Variants in SUPT3H observed in about 807,000 individuals in gnomAD.
The protein encoded by SUPT3H is transcription initiation protein SPT3 homolog.
Under a neutral mutation model 44.3 loss-of-function variants are expected in SUPT3H, and 44 were observed. The ratio of observed to expected loss-of-function variants is 0.99; its 90% CI spans 0.78 to 1.28. The LOEUF (loss-of-function observed/expected upper bound fraction) is 1.28. Among genes scored for constraint, SUPT3H ranks in the 50% most tolerant of loss-of-function variants. The pLI, the probability that SUPT3H is intolerant of heterozygous loss-of-function variation, is 0.00. For missense variants in SUPT3H, 380 were observed against 387.1 expected (o/e 0.98, Z 0.15); for synonymous variants, 124 against 125.6 (o/e 0.99, Z 0.09).
In SUPT3H at chr6:45,257,891, A is replaced by G. The variant is rs151006720; in HGVS notation, c.101+107310T>C. ...CTTTGCCACAAAATACCTCATTTTT[A>G]TTATTTTTGCATTGGTCTAATATAT... is the stretch of plus-strand genomic sequence containing the variant. On this transcript the variant is annotated intron_variant, in intron 2 of 10. Transcript: ENST00000371459. 1.2e-4 allele frequency among the ~76,000 whole-genome samples: 19 copies of G among 152,270 alleles called. 1 individual carries two copies. The East Asian group carries it at 2.7e-3, about 22-fold the overall frequency.
Position 44,827,554 on chromosome 6 carries a change from T to C in SUPT3H, c.*2262A>G, listed in dbSNP as rs1269562136. 4.6e-5 allele frequency among the ~76,000 whole-genome samples: 7 copies of C among 152,094 alleles called. No homozygotes were observed. The East Asian group carries it at 1.2e-3, about 25-fold the overall frequency. ...AGCTGTTCTTAATGATCTCTAAGAC[T>C]ATCTTCTGCTCTAACATTATGATTA... On this transcript the variant is annotated 3_prime_UTR_variant, in exon 11 of 11. Transcript: ENST00000371459.
At chr6:45,205,804 AC>A (rs1420104395) in intron 2 of SUPT3H, among the ~76,000 whole-genome samples, 3 of 139,694 alleles carry the variant, frequency 2.1e-5, no homozygotes, top group East Asian at 1.9e-4. Context: ...CTCAAAAAAA[AC>A]AAAACAAAAA....
At chr6:45,043,170 C>CACAT (rs1554218892) in intron 3 of SUPT3H, among the ~76,000 whole-genome samples, 1 of 148,074 alleles carries the variant, frequency 6.8e-6, no homozygotes, top group Non-Finnish European at 1.5e-5. Context: ...CACACACACA[C>CACAT]GCACACACAC....
intron 2 of SUPT3H, among the ~76,000 whole-genome samples, chr6:45,319,233 G>A (rs1283104949): frequency 6.6e-6 from 1 of 152,016 alleles, no homozygotes; most frequent in Non-Finnish European, 1.5e-5. Context: ...TTATAATTAT[G>A]TGTCTTATGA....
chr6:44,861,050 C>A (rs1484498852), intron 10 of SUPT3H, among the ~76,000 whole-genome samples: 1 of 152,108 alleles, frequency 6.6e-6, no homozygotes, highest in Non-Finnish European at 1.5e-5. Context: ...CTAATTTTCT[C>A]ATTTTCTCAG....
chr6:45,310,676 G>C (rs1034641649), intron 2 of SUPT3H, among the ~76,000 whole-genome samples: 2 of 152,136 alleles, frequency 1.3e-5, no homozygotes, highest in African/African-American at 4.8e-5. Flanking sequence ...CCAGAAGAGA[G>C]AAAACAATCA....
At chr6:45,110,427 G>A (rs1799878678) in intron 2 of SUPT3H, among the ~76,000 whole-genome samples, 1 of 152,078 alleles carries the variant, frequency 6.6e-6, no homozygotes. Context: ...ACATTTTTGC[G>A]CTATGTATAG....
intron 2 of SUPT3H, among the ~76,000 whole-genome samples, chr6:45,110,026 C>T (rs1419357924): frequency 3.3e-5 from 5 of 152,146 alleles, no homozygotes; most frequent in Non-Finnish European, 5.9e-5. Flanking sequence ...AAAGGCTGCC[C>T]CTCTCCTGGT....
intron 2 of SUPT3H, among the ~76,000 whole-genome samples, chr6:45,254,645 A>G (rs1424385621): frequency 6.6e-6 from 1 of 152,188 alleles, no homozygotes; most frequent in Non-Finnish European, 1.5e-5. Flanking sequence ...GAAAACGCTG[A>G]ATCACATGCC....
intron 6 of SUPT3H, among the ~76,000 whole-genome samples, chr6:44,990,250 A>C (rs1780427026): frequency 6.6e-6 from 1 of 151,658 alleles, no homozygotes; most frequent in Non-Finnish European, 1.5e-5. Flanking sequence ...TCCTTTCCCC[A>C]TTGTGCATTC....
intron 9 of SUPT3H, among the ~76,000 whole-genome samples, chr6:44,948,799 T>C (rs1188161170): frequency 6.6e-6 from 1 of 152,132 alleles, no homozygotes; most frequent in Non-Finnish European, 1.5e-5. Context: ...GGTGGGACTG[T>C]AAACTAGTTC....
chr6:45,353,778 C>T lies in SUPT3H; in HGVS notation c.101+11423G>A, dbSNP rs538634207. ...TTCAACTATATGAGCAATGAAAACT[C>T]ATTTTTTTTTTTAATCACTATATAC... On this transcript the variant is annotated intron_variant, in intron 2 of 10. Coordinates refer to ENST00000371459, the MANE Select transcript of SUPT3H (RefSeq NM_003599.4). Among the ~76,000 whole-genome samples, 3 of 151,462 alleles carry T rather than the reference C, an allele frequency of 2.0e-5. No individual in the cohort carries two copies. In the South Asian group the frequency reaches 6.3e-4, roughly 32 times the overall value.
intron 6 of SUPT3H, among the ~76,000 whole-genome samples, chr6:44,969,921 T>C (rs1777328008): frequency 6.6e-6 from 1 of 152,146 alleles, no homozygotes; most frequent in Admixed American, 6.5e-5. Flanking sequence ...CTGTAGACCC[T>C]AGAAGATTCA....
intron 10 of SUPT3H, among the ~76,000 whole-genome samples, chr6:44,901,495 C>G (rs1240971210): frequency 6.6e-6 from 1 of 152,040 alleles, no homozygotes; most frequent in Non-Finnish European, 1.5e-5. Context: ...AAGAAACGAA[C>G]AAAGCCTCCA....
chr6:45,173,914 T>C (rs1452757346), intron 2 of SUPT3H, among the ~76,000 whole-genome samples: 2 of 152,238 alleles, frequency 1.3e-5, no homozygotes, highest in Non-Finnish European at 1.5e-5. Context: ...CCTACTTTAT[T>C]GTTCTACTCA....
In SUPT3H at chr6:45,363,029, A is replaced by G. The variant is rs952584390; in HGVS notation, c.101+2172T>C. 9.2e-5 allele frequency among the ~76,000 whole-genome samples: 14 copies of G among 151,758 alleles called. 1 individual carries two copies. In the South Asian group the frequency reaches 2.5e-3, roughly 27 times the overall value. On this transcript the variant is annotated intron_variant, in intron 2 of 10. Transcript: ENST00000371459. The stretch of plus-strand genomic sequence containing the variant: ...ACATAGGTTTTTTATTTTTATTTTT[A>G]ATTTTTGTAGTCTTCTTCTTAAAGG...
At chr6:44,914,144 G>C (rs979775266) in intron 10 of SUPT3H, among the ~76,000 whole-genome samples, 3 of 152,128 alleles carry the variant, frequency 2.0e-5, no homozygotes, top group Admixed American at 1.3e-4. Context: ...GGACTTCTGT[G>C]ATAAAAGTAA....
intron 3 of SUPT3H, among the ~76,000 whole-genome samples, chr6:45,029,617 C>A (rs907720111): frequency 1.3e-5 from 2 of 152,038 alleles, no homozygotes; most frequent in East Asian, 3.9e-4. Flanking sequence ...ACAAGCTATT[C>A]ATAAGCAACT....
chr6:45,299,948 A>AATATAT (rs10563494), intron 2 of SUPT3H, among the ~76,000 whole-genome samples: 1 of 150,714 alleles, frequency 6.6e-6, no homozygotes, highest in African/African-American at 2.4e-5. Context: ...TATATATGTG[A>AATATAT]ATATATATAT....
Sources: gnomAD v4.1 joint callset for allele counts (sites outside exome capture counted in the v4.1 genomes callset) on GRCh38, gnomAD v4.1.1 for gene constraint, MANE v1.5 for transcripts, NCBI Gene and HGNC (gene_info 2026-07-23, HGNC 2026-07-21) for gene names.